The following IL1RAPL1 variants were observed in gnomAD, a reference collection of about 807,000 sequenced individuals.
IL1RAPL1 encodes the protein interleukin 1 receptor accessory protein like 1, also known as interleukin-1 receptor accessory protein-like 1.
IL1RAPL1 carries 3 observed loss-of-function variants against 48.4 expected under a neutral mutation model. The ratio of observed to expected loss-of-function variants is 0.06; its 90% CI spans 0.03 to 0.16. The LOEUF (loss-of-function observed/expected upper bound fraction) is 0.16. Among genes scored for constraint, IL1RAPL1 ranks in the 10% least tolerant of loss-of-function variants. IL1RAPL1 has a pLI of 1.00. For missense variants in IL1RAPL1, 349 were observed against 530.6 expected (o/e 0.66, Z 3.36); for synonymous variants, 185 against 187.7 (o/e 0.99, Z 0.12).
intron 6 of IL1RAPL1, among the ~76,000 whole-genome samples, chrX:29,794,284 A>G (rs58233555): frequency 3.6e-5 from 4 of 112,159 alleles, no homozygotes; most frequent in African/African-American, 1.3e-4. Flanking sequence ...TTAAAAAAAA[A>G]GATACTTTAG....
At chrX:29,743,588 C>T (rs1569158429) in intron 6 of IL1RAPL1, among the ~76,000 whole-genome samples, 1 of 111,439 alleles carries the variant, frequency 9.0e-6, no homozygotes, top group Non-Finnish European at 1.9e-5. Context: ...CTAGTTCAAG[C>T]GATTCTCCTC....
chrX:29,170,059 G>C (rs1043480732), intron 2 of IL1RAPL1, among the ~76,000 whole-genome samples: 8 of 111,493 alleles, frequency 7.2e-5, no homozygotes, highest in Non-Finnish European at 1.5e-4. Context: ...CCCAGCATTA[G>C]TGATAGAATA....
At chrX:29,570,408 T>G (rs1346618973) in intron 5 of IL1RAPL1, among the ~76,000 whole-genome samples, 5 of 112,577 alleles carry the variant, frequency 4.4e-5, no homozygotes, top group Admixed American at 2.8e-4. Context: ...GAAAAAGAAC[T>G]GAATGTGAAA....
At chrX:29,124,762 G>T (rs994739466) in intron 2 of IL1RAPL1, among the ~76,000 whole-genome samples, 3 of 111,886 alleles carry the variant, frequency 2.7e-5, no homozygotes, top group Non-Finnish European at 5.6e-5. Flanking sequence ...AAAAGAATAA[G>T]AAAGTAATGA....
intron 2 of IL1RAPL1, among the ~76,000 whole-genome samples, chrX:29,229,524 T>C (rs112505943): frequency 3.8e-4 from 43 of 112,328 alleles, no homozygotes; most frequent in African/African-American, 1.3e-3. Context: ...TACCACTTTA[T>C]GGAAAGAAGA....
At chrX:29,331,472 A>G (rs193030973) in intron 3 of IL1RAPL1, among the ~76,000 whole-genome samples, 229 of 111,766 alleles carry the variant, frequency 2.0e-3, no homozygotes, top group African/African-American at 7.2e-3. Context: ...CTCTTTCCCA[A>G]GGAGATAGAC....
intron 2 of IL1RAPL1, among the ~76,000 whole-genome samples, chrX:29,127,848 C>G (rs915740966): frequency 9.1e-6 from 1 of 109,893 alleles, no homozygotes; most frequent in Admixed American, 9.8e-5. Flanking sequence ...GCCTGTAATC[C>G]CAGCTACTCA....
At chrX:29,954,720 T>A (rs770329693) in intron 10 of IL1RAPL1, 28 bp downstream of exon 10, 1 of 1,081,266 alleles carries the variant, frequency 9.2e-7, no homozygotes, top group Non-Finnish European at 1.3e-6. Context: ...TTTGAGAGTG[T>A]GCATATTCAT....
At chrX:28,741,068 G>A (rs1935901298) in intron 1 of IL1RAPL1, among the ~76,000 whole-genome samples, 1 of 111,922 alleles carries the variant, frequency 8.9e-6, no homozygotes, top group South Asian at 3.7e-4. Flanking sequence ...ACAGTAATGA[G>A]ATTGCTGGGC....
intron 5 of IL1RAPL1, among the ~76,000 whole-genome samples, chrX:29,650,187 A>C: frequency 8.9e-6 from 1 of 111,951 alleles, no homozygotes; most frequent in East Asian, 2.8e-4. Flanking sequence ...ATACTGTTAC[A>C]ATGTCCATAC....
chrX:29,145,947 C>T (rs934778463), intron 2 of IL1RAPL1, among the ~76,000 whole-genome samples: 2 of 111,742 alleles, frequency 1.8e-5, no homozygotes, highest in Non-Finnish European at 3.8e-5. Flanking sequence ...GCAAGAGCAC[C>T]CTAACTGACT....
intron 2 of IL1RAPL1, among the ~76,000 whole-genome samples, chrX:29,107,341 A>G (rs913158573): frequency 8.9e-6 from 1 of 112,401 alleles, no homozygotes; most frequent in Non-Finnish European, 1.9e-5. Context: ...TTTTAAAAAT[A>G]AACTTTTCAA....
intron 2 of IL1RAPL1, among the ~76,000 whole-genome samples, chrX:28,851,426 C>T (rs1372533247): frequency 9.0e-5 from 10 of 111,242 alleles, no homozygotes; most frequent in Admixed American, 7.7e-4. Context: ...GGAACTTTGG[C>T]GGTTAAGTAT....
At chrX:29,942,192 A>G (rs1933141695) in intron 9 of IL1RAPL1, among the ~76,000 whole-genome samples, 2 of 111,676 alleles carry the variant, frequency 1.8e-5, no homozygotes, top group African/African-American at 6.5e-5. Flanking sequence ...GCGAATCTCA[A>G]TTTGCTCCTG....
At chrX:28,986,725 C>A (rs1357082243) in intron 2 of IL1RAPL1, among the ~76,000 whole-genome samples, 1 of 112,087 alleles carries the variant, frequency 8.9e-6, no homozygotes, top group African/African-American at 3.2e-5. Flanking sequence ...TGCTCCCCTG[C>A]ACAGAAAAAT....
intron 2 of IL1RAPL1, among the ~76,000 whole-genome samples, chrX:29,053,971 T>C (rs1415593293): frequency 8.9e-6 from 1 of 112,021 alleles, no homozygotes; most frequent in Non-Finnish European, 1.9e-5. Flanking sequence ...TCCATGTTGT[T>C]GCAAATGGCA....
intron 6 of IL1RAPL1, among the ~76,000 whole-genome samples, chrX:29,905,622 G>A (rs977036890): frequency 9.0e-6 from 1 of 111,258 alleles, no homozygotes; most frequent in Non-Finnish European, 1.9e-5. Context: ...TTATTGAACA[G>A]GGAATCCTTT....
chrX:29,003,093 T>C (rs1445369779), intron 2 of IL1RAPL1, among the ~76,000 whole-genome samples: 3 of 110,809 alleles, frequency 2.7e-5, no homozygotes, highest in African/African-American at 9.8e-5. Context: ...AGGGTAGGTG[T>C]TAAAAAGGAG....
At chrX:29,777,487 AT>A (rs1226034779) in intron 6 of IL1RAPL1, among the ~76,000 whole-genome samples, 1 of 111,980 alleles carries the variant, frequency 8.9e-6, no homozygotes, top group African/African-American at 3.2e-5. Context: ...GATTGAAAAA[AT>A]GTCATTTTTA....
Sources: gnomAD v4.1 joint callset for allele counts (sites outside exome capture counted in the v4.1 genomes callset) on GRCh38, gnomAD v4.1.1 for gene constraint, MANE v1.5 for transcripts, NCBI Gene and HGNC (gene_info 2026-07-23, HGNC 2026-07-21) for gene names.